The following PMM1 variants were observed in gnomAD, a reference collection of about 807,000 sequenced individuals.
PMM1 encodes phosphomannomutase 1, also known as brain glucose-1,6-bisphosphatase.
A neutral mutation model predicts 34.0 loss-of-function variants in PMM1; 25 were observed. That is an observed-to-expected ratio of 0.73 (90% CI 0.54 to 1.03). The LOEUF is 1.03. Among genes scored for constraint, PMM1 ranks in the 50% least tolerant of loss-of-function variants. The pLI is 0.00. For missense variants in PMM1, 321 were observed against 350.1 expected (o/e 0.92, Z 0.66); for synonymous variants, 134 against 143.9 (o/e 0.93, Z 0.49).
At chr22:41,578,911 C>T in intron 5 of PMM1, 30 bp from the exon 6 acceptor site, 1 of 1,594,608 alleles carries the variant, frequency 6.3e-7, no homozygotes, top group Non-Finnish European at 8.6e-7. Flanking sequence ...GATGGCAGCT[C>T]AGAGGACCTG....
intron 1 of PMM1, among the ~76,000 whole-genome samples, chr22:41,588,349 A>G (rs2067336841): frequency 6.6e-6 from 1 of 152,234 alleles, no homozygotes; most frequent in Non-Finnish European, 1.5e-5. Flanking sequence ...CCTCCCGACT[A>G]GCTAGGATTA....
At chr22:41,587,868 T>C (rs570377607) in intron 1 of PMM1, among the ~76,000 whole-genome samples, 1 of 152,178 alleles carries the variant, frequency 6.6e-6, no homozygotes, top group Admixed American at 6.5e-5. Flanking sequence ...ACCAGGAGAG[T>C]GTGCTCATGA....
At chr22:41,588,377 G>A (rs916698401) in intron 1 of PMM1, among the ~76,000 whole-genome samples, 5 of 152,170 alleles carry the variant, frequency 3.3e-5, no homozygotes, top group African/African-American at 1.2e-4. Context: ...ATGCCACCAC[G>A]CCTGGCTAAT....
intron 1 of PMM1, chr22:41,589,475 A>C: frequency 1.7e-6 from 1 of 585,658 alleles, no homozygotes; most frequent in Non-Finnish European, 3.1e-6. Context: ...TCCTCCCTCC[A>C]GTACTGGATC....
At chr22:41,586,284 G>T (rs2067306996) in intron 1 of PMM1, 91 bp from the exon 2 acceptor site, 2 of 1,575,554 alleles carry the variant, frequency 1.3e-6, no homozygotes, top group African/African-American at 1.4e-5. Flanking sequence ...AACCCAGGAA[G>T]CCCACATTCT....
Position 41,586,061 on chromosome 22 carries a change from C to T in PMM1, c.205+15G>A, listed in dbSNP as rs764616768. On this transcript the variant is annotated intron_variant, in intron 2 of 7. Coordinates refer to ENST00000216259, the MANE Select transcript of PMM1 (RefSeq NM_002676.3). The stretch of plus-strand genomic sequence containing the variant: ...TCAAACTCCCCACTCCCTCTACCCC[C>T]AGCCTCACTCCTACCTTCATCCCCG... 2 of 1,586,300 alleles carry T rather than the reference C, an allele frequency of 1.3e-6. No homozygotes were observed. Among genetic ancestry groups the T allele is most frequent in the Non-Finnish European group, 8.6e-7 (1 of 1,163,680 alleles).
rs763945570 is a variant in PMM1 at position 41,577,931 on chromosome 22, C to A, written c.551-8G>T. 1.3e-5 allele frequency: 21 copies of A among 1,603,166 alleles called. No homozygotes were observed. Among genetic ancestry groups the A allele is most frequent in the Non-Finnish European group, 1.6e-5 (19 of 1,170,822 alleles). ...CAAAGCTGATCATGCCTCCTGTGGG[C>A]AGGGGTGGGGACTGTTATTCCCTGC... On this transcript the variant is annotated splice_polypyrimidine_tract_variant and splice_region_variant and intron_variant, in intron 6 of 7. Transcript: ENST00000216259.
chr22:41,580,377 A>G (rs1180859915), intron 5 of PMM1: 1 of 152,224 alleles, frequency 6.6e-6, no homozygotes, highest in Non-Finnish European at 1.5e-5. Flanking sequence ...GGGAGCAAAC[A>G]AGAGCCAAAA....
intron 1 of PMM1, chr22:41,589,488 A>G (rs2067355238): frequency 3.4e-6 from 2 of 590,656 alleles, no homozygotes; most frequent in South Asian, 2.0e-5. Flanking sequence ...ACTGGATCCA[A>G]CCCCAGCACT....
chr22:41,586,471 A>AAT, intron 1 of PMM1: 1 of 423,392 alleles, frequency 2.4e-6, no homozygotes, highest in East Asian at 5.0e-5. Context: ...GAAAAAAAAA[A>AAT]TTTTTTTGGA....
At chr22:41,578,288 G>A (rs1045355044) in intron 6 of PMM1, among the ~76,000 whole-genome samples, 4 of 152,150 alleles carry the variant, frequency 2.6e-5, no homozygotes, top group African/African-American at 4.8e-5. Flanking sequence ...GGGGGAGGAC[G>A]GGCAGGCCCT....
At chr22:41,587,746 A>G (rs2067328442) in intron 1 of PMM1, among the ~76,000 whole-genome samples, 1 of 152,224 alleles carries the variant, frequency 6.6e-6, no homozygotes, top group South Asian at 2.1e-4. Flanking sequence ...ATCCAGATAA[A>G]GGCCTGGAGG....
rs1569057408 is a variant in PMM1, at chr22:41,586,208, G to A, written c.88-15C>T. 1.9e-6 allele frequency: 3 copies of A among 1,604,586 alleles called. No individual in the cohort carries two copies. The highest frequency in any genetic ancestry group is 3.3e-4 in the Middle Eastern group (2 of 6,056). ...GGGTCAATTTTCTATGGGGGGAGAGGGGAAGCATAGCATTCTGGCTTTCAA... is the reference window on the plus strand; with the variant it reads ...GGGTCAATTTTCTATGGGGGGAGAGAGGAAGCATAGCATTCTGGCTTTCAA... On this transcript the variant is annotated splice_polypyrimidine_tract_variant and intron_variant, in intron 1 of 7. Transcript: ENST00000216259.
At position 41,577,942 on chromosome 22, in the gene PMM1, A is replaced by G; in HGVS notation, c.551-19T>C. On this transcript the variant is annotated intron_variant, in intron 6 of 7. Transcript: ENST00000216259. ...ATGCCTCCTGTGGGCAGGGGTGGGG[A>G]CTGTTATTCCCTGCTGGGAGGGGCA... 1 of 1,573,580 alleles carries G rather than the reference A, an allele frequency of 6.4e-7. No individual in the cohort carries two copies. The highest frequency in any genetic ancestry group is 1.7e-5 in the Admixed American group (1 of 59,842).
chr22:41,578,883 T>A lies in PMM1; in HGVS notation c.475-2A>T. ...GAACTTCTCCCGGATCTTCTCTTTC[T>A]GCAGAGGGGAGGGAGCGGATGGCAG... On this transcript the variant is annotated splice_acceptor_variant, in intron 5 of 7. Coordinates refer to ENST00000216259, the MANE Select transcript of PMM1 (RefSeq NM_002676.3). LOFTEE classifies it high-confidence loss of function. 6.2e-7 allele frequency: 1 copy of A among 1,613,676 alleles called. No homozygotes were observed. Among genetic ancestry groups the A allele is most frequent in the Non-Finnish European group, 8.5e-7 (1 of 1,179,770 alleles).
At chr22:41,583,911 T>C (rs1253519797) in intron 5 of PMM1, 48 bp downstream of exon 5, 2 of 1,131,184 alleles carry the variant, frequency 1.8e-6, no homozygotes, top group Non-Finnish European at 2.7e-6. Context: ...CTCAGATAAA[T>C]TGAGTGACTG....
intron 5 of PMM1, among the ~76,000 whole-genome samples, chr22:41,582,010 A>G (rs2067252156): frequency 6.6e-6 from 1 of 151,262 alleles, no homozygotes. Context: ...CGGGCGTGGC[A>G]GCATGTGCCT....
chr22:41,586,139 T>C lies in PMM1; in HGVS notation c.142A>G (p.Ile48Val), dbSNP rs2067305219. The C allele has an allele frequency of 1.9e-6, 3 of 1,613,020 alleles. No individual in the cohort carries two copies. The highest frequency in any genetic ancestry group is 2.5e-6 in the Non-Finnish European group (3 of 1,179,682). ...TAGTCAGAGCCGCCCACCACACCGA[T>C]CTGCACTCTACTTCGTAGCTTCTGC... ...FLQKLRSRVQ[I>V]GVVGGSDYCK... is the part of the protein sequence containing the mutation. The change falls in exon 2 of 8, where the codon ATC becomes GTC. Residue 48 changes from isoleucine (I) to valine (V), a missense_variant. Transcript: ENST00000216259.
rs375408430 is a variant in PMM1, at chr22:41,587,642, T to G, written c.88-1449A>C. ...GTCTCTAACAACAACAACAACAAAA[T>G]AGCATCACAATCAAGTTGATTTTTG... On this transcript the variant is annotated intron_variant, in intron 1 of 7. Transcript: ENST00000216259. Among the ~76,000 whole-genome samples the G allele has an allele frequency of 4.3e-4, 65 of 151,950 alleles. 2 individuals are homozygous for G. In the South Asian group the frequency reaches 0.013, roughly 30 times the overall value.
Sources: allele counts gnomAD v4.1 joint callset (sites outside exome capture counted in the v4.1 genomes callset), GRCh38; gene constraint gnomAD v4.1.1; transcripts MANE v1.5; gene names NCBI Gene and HGNC (gene_info 2026-07-23, HGNC 2026-07-21).